SMCO2: variants seen among roughly 807,000 people sequenced by gnomAD.
The protein encoded by SMCO2 is single-pass membrane protein with coiled-coil domains 2, also known as single-pass membrane and coiled-coil domain-containing protein 2.
A neutral mutation model predicts 29.5 loss-of-function variants in SMCO2; 25 were observed. The observed-to-expected ratio is 0.85, with a 90% confidence interval of 0.62 to 1.18. The LOEUF is 1.18. SMCO2 is among the 50% of genes most tolerant of loss of function. The pLI, the probability that SMCO2 is intolerant of heterozygous loss-of-function variation, is 0.00. For missense variants in SMCO2, 348 were observed against 344.5 expected (o/e 1.01, Z -0.08); for synonymous variants, 117 against 123.3 (o/e 0.95, Z 0.34).
the SMCO2 span, among the ~76,000 whole-genome samples, chr12:27,428,039 C>T: frequency 6.6e-6 from 1 of 152,112 alleles, no homozygotes; most frequent in Admixed American, 6.5e-5. Flanking sequence ...ACTAGTTGAA[C>T]CGGATTACCC....
intron 1 of SMCO2, among the ~76,000 whole-genome samples, chr12:27,468,132 T>A (rs956013769): frequency 3.9e-5 from 6 of 152,122 alleles, no homozygotes; most frequent in Non-Finnish European, 8.8e-5. Flanking sequence ...CCCCAGACAA[T>A]AAGATAAGGC....
chr12:27,451,734 G>A, the SMCO2 span, among the ~76,000 whole-genome samples: 1 of 152,186 alleles, frequency 6.6e-6, no homozygotes, highest in Admixed American at 6.5e-5. Context: ...TTATTTGGGG[G>A]TTGCAAACAA....
chr12:27,435,392 A>G, the SMCO2 span, among the ~76,000 whole-genome samples: 1 of 145,794 alleles, frequency 6.9e-6, no homozygotes, highest in East Asian at 2.1e-4. Flanking sequence ...ATAATGAAGA[A>G]CCCCTACTCT....
chr12:27,484,646 A>G (rs1418441901), intron 4 of SMCO2, among the ~76,000 whole-genome samples: 1 of 151,756 alleles, frequency 6.6e-6, no homozygotes, highest in Admixed American at 6.6e-5. Flanking sequence ...CTGTTTTCAA[A>G]ATTTTTAAAA....
the SMCO2 span, among the ~76,000 whole-genome samples, chr12:27,438,207 A>C: frequency 6.6e-6 from 1 of 150,900 alleles, no homozygotes; most frequent in South Asian, 2.1e-4. Flanking sequence ...GTGATATCTC[A>C]CTCCTGGTTT....
chr12:27,476,020 T>C (rs1317600093), intron 4 of SMCO2, among the ~76,000 whole-genome samples: 3 of 152,230 alleles, frequency 2.0e-5, no homozygotes, highest in Admixed American at 6.5e-5. Flanking sequence ...ACTTACCTCT[T>C]TGTCAGGCTT....
At chr12:27,468,302 GC>G (rs2135541519) in intron 1 of SMCO2, among the ~76,000 whole-genome samples, 2 of 152,316 alleles carry the variant, frequency 1.3e-5, no homozygotes, top group African/African-American at 4.8e-5. Context: ...TCTGTAAAGG[GC>G]AAGATAGTAA....
intron 4 of SMCO2, among the ~76,000 whole-genome samples, chr12:27,477,111 T>C (rs1192258488): frequency 2.0e-5 from 3 of 152,076 alleles, no homozygotes; most frequent in South Asian, 2.1e-4. Flanking sequence ...TTTCTTGTGG[T>C]GATGAATTAT....
chr12:27,431,686 T>A, the SMCO2 span, among the ~76,000 whole-genome samples: 1 of 152,196 alleles, frequency 6.6e-6, no homozygotes, highest in South Asian at 2.1e-4. Flanking sequence ...TCTTAGCTAT[T>A]ATGAATAATG....
At chr12:27,456,772 C>T in the SMCO2 span, among the ~76,000 whole-genome samples, 1 of 152,146 alleles carries the variant, frequency 6.6e-6, no homozygotes, top group Non-Finnish European at 1.5e-5. Context: ...GGGTTCCCAA[C>T]CCCCAGGCTG....
chr12:27,431,196 T>C, the SMCO2 span, among the ~76,000 whole-genome samples: 1 of 152,114 alleles, frequency 6.6e-6, no homozygotes, highest in Non-Finnish European at 1.5e-5. Context: ...TTTAAATTTT[T>C]AGTAGAGATG....
chr12:27,477,634 C>CTTTTTTTTTT (rs3051833), intron 4 of SMCO2, among the ~76,000 whole-genome samples: 88 of 109,592 alleles, frequency 8.0e-4, no homozygotes, highest in African/African-American at 2.5e-3. Flanking sequence ...CTTTTTCATT[C>CTTTTTTTTTT]TTTTTTTTTT....
intron 4 of SMCO2, among the ~76,000 whole-genome samples, chr12:27,487,205 G>T (rs978472116): frequency 4.6e-5 from 7 of 152,136 alleles, no homozygotes; most frequent in African/African-American, 1.7e-4. Flanking sequence ...ATGCACTTGT[G>T]TTACCCCTTT....
At chr12:27,425,813 T>C in the SMCO2 span, among the ~76,000 whole-genome samples, 25,085 of 152,186 alleles carry the variant, frequency 0.16, 2,449 homozygotes, top group African/African-American at 0.27. Flanking sequence ...TCATGAATTA[T>C]AAGGTTCTAT....
In SMCO2 at chr12:27,475,502, T is replaced by C. The variant is rs1592206699; in HGVS notation, c.362+589T>C. The C allele has an allele frequency of 9.1e-6, 13 of 1,428,982 alleles. No homozygotes were observed. The South Asian group carries it at 1.7e-4, about 19-fold the overall frequency. 88.5% of individuals were successfully genotyped at this position (1,428,982 alleles called of 1,614,324 possible). A position where few individuals can be genotyped will look rare whatever the true frequency, so the allele number is the denominator to read the frequency against. ...GAAGACTAAACAGATCAACTCGCTA[T>C]TCAAAGGAAGAGCATTTCAGGCTAT... On this transcript the variant is annotated intron_variant, in intron 4 of 7. Coordinates refer to ENST00000298876, the Ensembl canonical transcript of SMCO2.
chr12:27,466,072 C>T (rs1014780086), upstream of SMCO2, among the ~76,000 whole-genome samples: 9 of 152,086 alleles, frequency 5.9e-5, no homozygotes, highest in Admixed American at 2.6e-4. Flanking sequence ...AGAGGAACTT[C>T]GAAGGAGACG....
chr12:27,451,964 C>T, the SMCO2 span, among the ~76,000 whole-genome samples: 1 of 152,114 alleles, frequency 6.6e-6, no homozygotes. Context: ...CTTATATATC[C>T]CTCTCTGCAG....
At chr12:27,466,879 A>G (rs1419042136) in exon 1 of SMCO2, 1 of 152,234 alleles carries the variant, frequency 6.6e-6, no homozygotes, top group Non-Finnish European at 1.5e-5. Flanking sequence ...AGGCTCTGGC[A>G]CCACTGGAAC....
At chr12:27,448,661 C>T in the SMCO2 span, among the ~76,000 whole-genome samples, 1 of 152,138 alleles carries the variant, frequency 6.6e-6, no homozygotes, top group Non-Finnish European at 1.5e-5. Context: ...AACAAGGGAA[C>T]CTTTTATAAT....
Sources: gnomAD v4.1 joint callset for allele counts (sites outside exome capture counted in the v4.1 genomes callset) on GRCh38, gnomAD v4.1.1 for gene constraint, MANE v1.5 for transcripts, NCBI Gene and HGNC (gene_info 2026-07-23, HGNC 2026-07-21) for gene names.